The following SPPL3 variants were observed in gnomAD, a reference collection of about 807,000 sequenced individuals.
SPPL3 encodes the protein signal peptide peptidase-like 3.
SPPL3 carries 5 observed loss-of-function variants against 42.4 expected under a neutral mutation model. The ratio of observed to expected loss-of-function variants is 0.12; its 90% CI spans 0.06 to 0.25. The LOEUF is 0.25. SPPL3 is among the 10% of genes least tolerant of loss of function. SPPL3 has a pLI of 1.00. For missense variants in SPPL3, 235 were observed against 489.0 expected (o/e 0.48, Z 4.90); for synonymous variants, 195 against 181.8 (o/e 1.07, Z -0.58).
chr12:120,788,284 A>G (rs1869790726), intron 3 of SPPL3, among the ~76,000 whole-genome samples: 1 of 152,194 alleles, frequency 6.6e-6, no homozygotes, highest in Non-Finnish European at 1.5e-5. Flanking sequence ...TGAGTGCCAT[A>G]GTTCCTGGCA....
chr12:120,831,726 G>A (rs1476157722), intron 1 of SPPL3, among the ~76,000 whole-genome samples: 1 of 152,062 alleles, frequency 6.6e-6, no homozygotes, highest in African/African-American at 2.4e-5. Context: ...TAGTTCTGTA[G>A]TTCCTTATCC....
chr12:120,844,047 T>C (rs762407854), intron 1 of SPPL3, among the ~76,000 whole-genome samples: 3 of 152,244 alleles, frequency 2.0e-5, no homozygotes, highest in Non-Finnish European at 4.4e-5. Flanking sequence ...CCTGTAGCCC[T>C]GTCTTCTTCC....
At chr12:120,847,271 GA>G (rs538035389) in intron 1 of SPPL3, among the ~76,000 whole-genome samples, 4 of 152,036 alleles carry the variant, frequency 2.6e-5, no homozygotes, top group Non-Finnish European at 5.9e-5. Context: ...GTGGAAACAT[GA>G]ATTCAGTTTA....
At chr12:120,790,916 G>A (rs1317564166) in intron 3 of SPPL3, among the ~76,000 whole-genome samples, 2 of 151,116 alleles carry the variant, frequency 1.3e-5, no homozygotes, top group African/African-American at 4.9e-5. Context: ...TCTGCCTCCT[G>A]GGTTCAAGCG....
intron 5 of SPPL3, 102 bp downstream of exon 5, chr12:120,783,572 C>T (rs1869614545): frequency 8.1e-6 from 9 of 1,112,760 alleles, no homozygotes; most frequent in Non-Finnish European, 1.1e-5. Flanking sequence ...CATTTCTGTG[C>T]TCCAGCCAAT....
chr12:120,872,615 G>T (rs1469664879), intron 1 of SPPL3, among the ~76,000 whole-genome samples: 2 of 152,164 alleles, frequency 1.3e-5, no homozygotes, highest in Non-Finnish European at 2.9e-5. Flanking sequence ...TCTGGCAGAA[G>T]GGTTCCTTTC....
At chr12:120,886,782 C>CA (rs1055775327) in intron 1 of SPPL3, among the ~76,000 whole-genome samples, 19 of 152,222 alleles carry the variant, frequency 1.2e-4, no homozygotes, top group Admixed American at 1.2e-3. Context: ...ACACACAGAT[C>CA]ATACATGTGA....
rs371292224 is a variant in SPPL3, at chr12:120,796,418, G to A, written c.102-4861C>T. 9.9e-5 allele frequency among the ~76,000 whole-genome samples: 15 copies of A among 152,044 alleles called. 1 individual carries two copies. Among genetic ancestry groups the A allele is most frequent in the Middle Eastern group, 3.2e-3 (1 of 316 alleles). Reference sequence around the variant, plus strand: ...TCTCCATGTATCTATCTAACTTTTTGTATATATGGAATACAATTATATCTG... The same window carrying A: ...TCTCCATGTATCTATCTAACTTTTTATATATATGGAATACAATTATATCTG... On this transcript the variant is annotated intron_variant, in intron 2 of 10. Transcript: ENST00000353487.
At chr12:120,843,514 T>C (rs1300021669) in intron 1 of SPPL3, among the ~76,000 whole-genome samples, 1 of 152,214 alleles carries the variant, frequency 6.6e-6, no homozygotes, top group Non-Finnish European at 1.5e-5. Context: ...CACCATCTAC[T>C]GGTTTCCTCC....
chr12:120,853,909 C>CA (rs2137036470), intron 1 of SPPL3, among the ~76,000 whole-genome samples: 1 of 149,486 alleles, frequency 6.7e-6, no homozygotes, highest in African/African-American at 2.5e-5. Context: ...TTTGGAATAG[C>CA]AAAAAACAAC....
At chr12:120,766,465 TGTGCTGTC>T in intron 9 of SPPL3, 93 bp from the exon 10 acceptor site, 2 of 968,054 alleles carry the variant, frequency 2.1e-6, no homozygotes, top group Non-Finnish European at 3.0e-6. Context: ...ACAGATCTAA[TGTGCTGTC>T]GTCCATTCTA....
chr12:120,773,403 A>G (rs1035366413), intron 6 of SPPL3, among the ~76,000 whole-genome samples: 1 of 152,236 alleles, frequency 6.6e-6, no homozygotes, highest in African/African-American at 2.4e-5. Context: ...AGGTGAATAC[A>G]TGGAATGCAA....
chr12:120,885,799 A>G (rs1160517351), intron 1 of SPPL3, among the ~76,000 whole-genome samples: 1 of 151,958 alleles, frequency 6.6e-6, no homozygotes, highest in Non-Finnish European at 1.5e-5. Context: ...ATGGGGACTC[A>G]GCCAAATTAG....
chr12:120,822,563 C>G (rs1871105369), intron 1 of SPPL3, among the ~76,000 whole-genome samples: 1 of 152,114 alleles, frequency 6.6e-6, no homozygotes, highest in South Asian at 2.1e-4. Context: ...ATTCTGTGGA[C>G]AAGCAAACAG....
intron 1 of SPPL3, among the ~76,000 whole-genome samples, chr12:120,856,385 A>G (rs1467821785): frequency 6.6e-6 from 1 of 152,058 alleles, no homozygotes; most frequent in Admixed American, 6.5e-5. Context: ...ACAGCAGCGC[A>G]GCAAGCCTAG....
intron 1 of SPPL3, among the ~76,000 whole-genome samples, chr12:120,858,747 G>GA (rs901067457): frequency 1.3e-5 from 2 of 152,024 alleles, no homozygotes; most frequent in Non-Finnish European, 2.9e-5. Flanking sequence ...CCCCAAAGAA[G>GA]AAAATCAAAG....
At chr12:120,860,506 C>T (rs1457813170) in intron 1 of SPPL3, among the ~76,000 whole-genome samples, 1 of 152,144 alleles carries the variant, frequency 6.6e-6, no homozygotes, top group African/African-American at 2.4e-5. Context: ...CTGTTAGCAA[C>T]GGATCCATGT....
At chr12:120,794,965 T>C (rs529805310) in intron 2 of SPPL3, among the ~76,000 whole-genome samples, 1 of 152,354 alleles carries the variant, frequency 6.6e-6, no homozygotes, top group East Asian at 1.9e-4. Flanking sequence ...CTTCCAGTTA[T>C]ATTGTAACAT....
At position 120,839,819 on chromosome 12, in the gene SPPL3, CAA is replaced by C. The variant is rs1871748354; in HGVS notation, c.24-28935_24-28934del. On this transcript the variant is annotated intron_variant, in intron 1 of 10. Transcript: ENST00000353487. ...CAGCAATCCCACTCCTAGGTATAGT[CAA>C]GAGAATTGAAAACACATGTACACAT... Among the ~76,000 whole-genome samples the C allele has an allele frequency of 1.3e-5, 2 of 151,668 alleles. 1 individual carries two copies. Among genetic ancestry groups the C allele is most frequent in the African/African-American group, 4.8e-5 (2 of 41,274 alleles).
Sources: allele counts gnomAD v4.1 joint callset (sites outside exome capture counted in the v4.1 genomes callset), GRCh38; gene constraint gnomAD v4.1.1; transcripts MANE v1.5; gene names NCBI Gene and HGNC (gene_info 2026-07-23, HGNC 2026-07-21).